MCOLN1: variants seen among roughly 807,000 people sequenced by gnomAD.
The protein encoded by MCOLN1 is mucolipin-1.
MCOLN1 carries 50 observed loss-of-function variants against 70.3 expected under a neutral mutation model. The ratio of observed to expected loss-of-function variants is 0.71; its 90% confidence interval spans 0.57 to 0.90. The LOEUF is 0.90. Among genes scored for constraint, MCOLN1 ranks in the 40% least tolerant of loss-of-function variants. The probability of loss-of-function intolerance (pLI) is 0.00; values close to 1 mark genes in which losing one functional copy is unlikely to be tolerated. For missense variants in MCOLN1, 598 were observed against 803.5 expected, an observed-to-expected ratio of 0.74 and a Z score of 3.09; for synonymous variants, 366 against 341.0, an observed-to-expected ratio of 1.07 and a Z score of -0.81.
chr19:7,523,312 A>G (rs1049630454), intron 1 of MCOLN1, among the ~76,000 whole-genome samples: 1 of 152,090 alleles, frequency 6.6e-6, no homozygotes, highest in African/African-American at 2.4e-5. Context: ...TTCTGATGCC[A>G]CCCCTCCTCG....
intron 1 of MCOLN1, among the ~76,000 whole-genome samples, chr19:7,523,507 A>C (rs572445591): frequency 2.6e-5 from 4 of 152,336 alleles, no homozygotes; most frequent in South Asian, 2.1e-4. Context: ...ATCTCATTGC[A>C]AAGGGAGGGG....
rs1327507860 is a variant in MCOLN1, at chr19:7,528,110, G to T, written c.778-48G>T. 2 of 1,598,922 alleles carry T rather than the reference G, an allele frequency of 1.3e-6. No homozygotes were observed. Among genetic ancestry groups the T allele is most frequent in the East Asian group, 4.5e-5 (2 of 44,806 alleles). ...CAGGCCACCTGTCATGTGGACCTTG[G>T]GGCTTGGGGCTGCCAAGGTTTACTC... On this transcript the variant is annotated intron_variant, in intron 6 of 13. Coordinates refer to ENST00000264079, the MANE Select transcript of MCOLN1 (RefSeq NM_020533.3). This position sits in a 1 kb window ranked among gnomAD's most constrained non-coding sequence, Gnocchi z 4.2.
In MCOLN1 at chr19:7,525,007, G is replaced by T. The variant is rs746629838; in HGVS notation, c.78G>T (p.Ala26=). The change falls in exon 2 of 14, where the codon GCG becomes GCT. Residue 26 remains alanine (A), a synonymous_variant. Transcript: ENST00000264079. The surrounding 1 kb of genome is among the most constrained non-coding windows in gnomAD (Gnocchi z 4.2). ...LTPNPGYGTQ[A]GPSPAPPTPP... ...CCAACCCCGGGTATGGGACCCAGGC[G>T]GGGCCTTCACCGGCCCCTCCGACAC... 3.1e-6 allele frequency: 5 copies of T among 1,613,822 alleles called. No individual in the cohort carries two copies. Among genetic ancestry groups the T allele is most frequent in the Non-Finnish European group, 4.2e-6 (5 of 1,179,970 alleles).
Position 7,533,637 on chromosome 19 carries a change from C to T in MCOLN1, c.1690C>T (p.Leu564Phe). The change falls in exon 13 of 14, where the codon CTC becomes TTC. Residue 564 changes from leucine (L) to phenylalanine (F), a missense_variant. Transcript: ENST00000264079. ...RRGSGSACSL[L>F]CCCGRDPSEE... ...CGGGAGCGGCTCGGCCTGCAGCCTT[C>T]TCTGCTGCTGCGGAAGGTTCGAGTC... 1 of 1,613,054 alleles carries T rather than the reference C, an allele frequency of 6.2e-7. No homozygotes were observed. The highest frequency in any genetic ancestry group is 1.1e-5 in the South Asian group (1 of 91,036).
chr19:7,533,137 G>T (rs1464133935), intron 12 of MCOLN1, among the ~76,000 whole-genome samples: 1 of 152,228 alleles, frequency 6.6e-6, no homozygotes, highest in Non-Finnish European at 1.5e-5. Flanking sequence ...GCCTTAGCAC[G>T]TAGACATCAC....
intron 10 of MCOLN1, 118 bp downstream of exon 10, chr19:7,529,320 C>T (rs2022619971): frequency 2.0e-6 from 2 of 994,788 alleles, no homozygotes; most frequent in Admixed American, 1.9e-5. Flanking sequence ...GCCTCCTCCT[C>T]CTACCTGCCC....
In MCOLN1 at chr19:7,533,639, C is replaced by T. The variant is rs2146030255; in HGVS notation, c.1692C>T (p.Leu564=). Residue 564 remains leucine (L), a synonymous_variant, in exon 13 of 14, where the codon CTC becomes CTT. Coordinates refer to ENST00000264079, the MANE Select transcript of MCOLN1 (RefSeq NM_020533.3). ...GGAGCGGCTCGGCCTGCAGCCTTCT[C>T]TGCTGCTGCGGAAGGTTCGAGTCCC... ...RRGSGSACSL[L]CCCGRDPSEE... 6.2e-7 allele frequency: 1 copy of T among 1,613,156 alleles called. No homozygotes were observed. Among genetic ancestry groups the T allele is most frequent in the Non-Finnish European group, 8.5e-7 (1 of 1,179,902 alleles).
intron 12 of MCOLN1, among the ~76,000 whole-genome samples, chr19:7,532,036 C>T (rs2022659789): frequency 1.3e-5 from 2 of 151,814 alleles, no homozygotes; most frequent in Non-Finnish European, 2.9e-5. Flanking sequence ...GTGCTCCTAA[C>T]CCCTCTGTCC....
rs1332820405 is a variant in MCOLN1 at position 7,524,375 on chromosome 19, A to C, written c.32-586A>C. ...CTCTTCTCCAGGTCCTTGGCTTCTG[A>C]GAGTGTCAGCTGATGGGCCAGGTTA... is the stretch of plus-strand genomic sequence containing the variant. On this transcript the variant is annotated intron_variant, in intron 1 of 13. Transcript: ENST00000264079. This position sits in a 1 kb window ranked among gnomAD's most constrained non-coding sequence, Gnocchi z 4.1. Among the ~76,000 whole-genome samples the C allele has an allele frequency of 6.6e-6, 1 of 152,124 alleles. No homozygotes were observed. The highest frequency in any genetic ancestry group is 1.5e-5 in the Non-Finnish European group (1 of 68,026).
At chr19:7,527,741 G>T (rs2022593217) in intron 5 of MCOLN1, 113 bp downstream of exon 5, 1 of 1,089,506 alleles carries the variant, frequency 9.2e-7, no homozygotes, top group Non-Finnish European at 1.4e-6. Flanking sequence ...GCCCGCGCTG[G>T]TGCCTGCTGG....
intron 10 of MCOLN1, 119 bp downstream of exon 10, chr19:7,529,321 C>A: frequency 1.0e-6 from 1 of 995,786 alleles, no homozygotes; most frequent in Non-Finnish European, 1.5e-6. Context: ...CCTCCTCCTC[C>A]TACCTGCCCA....
chr19:7,529,027 CG>C (rs1251413323), intron 9 of MCOLN1, 57 bp downstream of exon 9: 1 of 1,613,590 alleles, frequency 6.2e-7, no homozygotes, highest in Non-Finnish European at 8.5e-7. Context: ...AGTGCCTATC[CG>C]GGGCCATATC....
At chr19:7,533,211 T>G (rs2022688725) in intron 12 of MCOLN1, among the ~76,000 whole-genome samples, 1 of 152,226 alleles carries the variant, frequency 6.6e-6, no homozygotes, top group Admixed American at 6.5e-5. Flanking sequence ...TCAGCGTGCA[T>G]CCAGCTCACT....
Position 7,528,485 on chromosome 19 carries a change from CAACCAA to C in MCOLN1, c.878-106_878-101del. Reference sequence around the variant, plus strand: ...CCAAGCAAGCCCTGAGCCCACTGACCAACCAAAACCAGCCGTGCAGCCCCCTAGGTC... The same window carrying C: ...CCAAGCAAGCCCTGAGCCCACTGACCAACCAGCCGTGCAGCCCCCTAGGTC... On this transcript the variant is annotated intron_variant, in intron 7 of 13. Transcript: ENST00000264079. The surrounding 1 kb of genome is among the most constrained non-coding windows in gnomAD (Gnocchi z 4.2). The C allele has an allele frequency of 7.0e-7, 1 of 1,429,612 alleles. No homozygotes were observed. Among genetic ancestry groups the C allele is most frequent in the Non-Finnish European group, 9.6e-7 (1 of 1,040,462 alleles). The allele number at this position is 1,429,612 out of a possible 1,614,324, so 88.6% of individuals were successfully genotyped here.
At chr19:7,532,644 C>T (rs569733340) in intron 12 of MCOLN1, among the ~76,000 whole-genome samples, 113 of 152,146 alleles carry the variant, frequency 7.4e-4, no homozygotes, top group African/African-American at 2.5e-3. Context: ...GAACCTGGGA[C>T]GTAGAGGTTG....
intron 12 of MCOLN1, among the ~76,000 whole-genome samples, chr19:7,531,614 C>A (rs974620487): frequency 6.6e-5 from 10 of 152,192 alleles, no homozygotes; most frequent in African/African-American, 2.4e-4. Flanking sequence ...ACCCTGACCC[C>A]AGCCCCCAGC....
Position 7,526,625 on chromosome 19 carries a change from G to A in MCOLN1, c.405+19G>A, listed in dbSNP as rs374300701. 31 of 1,608,896 alleles carry A rather than the reference G, an allele frequency of 1.9e-5. No homozygotes were observed. Among genetic ancestry groups the A allele is most frequent in the Non-Finnish European group, 2.4e-5 (28 of 1,179,380 alleles). ...GGACCAGGTGCTGGTGGGCGGGCAGGTGCTGGTGGGCAGGCAGGTGCAGGT... is the reference window on the plus strand; with the variant it reads ...GGACCAGGTGCTGGTGGGCGGGCAGATGCTGGTGGGCAGGCAGGTGCAGGT... On this transcript the variant is annotated intron_variant, in intron 3 of 13. Transcript: ENST00000264079. The surrounding 1 kb of genome is among the most constrained non-coding windows in gnomAD (Gnocchi z 4.6).
At position 7,529,149 on chromosome 19, in the gene MCOLN1, C is replaced by A. The variant is rs372963383; in HGVS notation, c.1183C>A (p.Leu395Met). Residue 395 changes from leucine (L) to methionine (M), a missense_variant, in exon 10 of 14, where the codon CTG becomes ATG. By Grantham distance (15) the Leu-to-Met change is conservative. This residue lies in a region of MCOLN1 where 461 missense variants were observed against 588.4 expected (regional missense o/e 0.78). Transcript: ENST00000264079. The stretch of plus-strand genomic sequence containing the variant: ...CAGCATCCTCCTGGGCACCTCGACG[C>A]TGCTGGTGTGGGTGGGCGTGATCCG... ...VCSILLGTST[L>M]LVWVGVIRYL... 1.2e-6 allele frequency: 2 copies of A among 1,613,950 alleles called. No homozygotes were observed. The highest frequency in any genetic ancestry group is 8.5e-7 in the Non-Finnish European group (1 of 1,180,032).
intron 11 of MCOLN1, 150 bp from the exon 12 acceptor site, chr19:7,530,136 T>G: frequency 1.3e-6 from 1 of 773,864 alleles, no homozygotes; most frequent in Non-Finnish European, 2.2e-6. Context: ...AACCCGACCA[T>G]TCACATGGTG....
Sources: allele counts gnomAD v4.1 joint callset (sites outside exome capture counted in the v4.1 genomes callset), GRCh38; gene constraint gnomAD v4.1.1; regional missense constraint gnomAD v4.1.1; non-coding constraint Gnocchi (gnomAD v3.1); transcripts MANE v1.5; gene names NCBI Gene and HGNC (gene_info 2026-07-23, HGNC 2026-07-21).